Variants in DNAH9 observed in about 807,000 individuals in gnomAD.
The protein encoded by DNAH9 is DNAH9 variant protein.
A neutral mutation model predicts 471.6 loss-of-function variants in DNAH9; 345 were observed. That is an observed-to-expected ratio of 0.73 (90% CI 0.67 to 0.80). The LOEUF is 0.80. DNAH9 is among the 30% of genes least tolerant of loss of function. DNAH9 has a pLI of 0.00. For synonymous variants in DNAH9, 2,093 were observed against 2,123.6 expected (o/e 0.99, Z 0.40); for missense variants, 5,407 against 5,609.2 (o/e 0.96, Z 1.15).
At chr17:11,886,673 A>G in intron 56 of DNAH9, 152 bp from the exon 57 acceptor site, 1 of 932,958 alleles carries the variant, frequency 1.1e-6, no homozygotes. Context: ...AAGGAATACC[A>G]TAGTAGCTTT....
intron 48 of DNAH9, among the ~76,000 whole-genome samples, chr17:11,826,724 A>T (rs890675508): frequency 6.6e-6 from 1 of 151,174 alleles, no homozygotes; most frequent in Non-Finnish European, 1.5e-5. Flanking sequence ...GGCGTCCCAA[A>T]GTGCTGGGAT....
intron 54 of DNAH9, 103 bp from the exon 55 acceptor site, chr17:11,881,106 C>T (rs1327902724): frequency 9.7e-7 from 1 of 1,029,746 alleles, no homozygotes; most frequent in African/African-American, 1.6e-5. Flanking sequence ...TAGGAGGAAT[C>T]CATCTGAATA....
chr17:11,942,368 G>A lies in DNAH9; in HGVS notation c.12726G>A (p.Met4242Ile). The A allele has an allele frequency of 6.2e-7, 1 of 1,614,212 alleles. No individual in the cohort carries two copies. Among genetic ancestry groups the A allele is most frequent in the South Asian group, 1.1e-5 (1 of 91,084 alleles). ...ACGAGTTTAACATCCCAGAACTGAT[G>A]GCCAAAGTGGAGGAGCGCACCCCTT... ...VTDEFNIPEL[M>I]AKVEERTPYI... is the part of the protein sequence containing the mutation. The change falls in exon 67 of 69, where the codon ATG (methionine) becomes ATA (isoleucine). Residue 4242 changes from methionine (M) to isoleucine (I), a missense_variant. Met to Ile is a conservative substitution (Grantham distance 10). Around this residue, in one of 3 missense-constraint regions of DNAH9, gnomAD observed 4,636 missense variants for 4,900.3 expected, o/e 0.95. Transcript: ENST00000262442.
intron 18 of DNAH9, 79 bp from the exon 19 acceptor site, chr17:11,680,644 C>A: frequency 1.6e-6 from 2 of 1,255,580 alleles, no homozygotes; most frequent in East Asian, 4.7e-5. Context: ...ATGGAAGCAT[C>A]TGGGCTCTGT....
At chr17:11,823,072 TGGAG>T in intron 48 of DNAH9, 38 bp downstream of exon 48, 1 of 1,552,474 alleles carries the variant, frequency 6.4e-7, no homozygotes, top group Non-Finnish European at 8.8e-7. Context: ...GCAGGGGACT[TGGAG>T]GGAGCTGAAG....
At chr17:11,905,024 G>T (rs763526020) in intron 60 of DNAH9, among the ~76,000 whole-genome samples, 2 of 151,912 alleles carry the variant, frequency 1.3e-5, no homozygotes, top group Non-Finnish European at 2.9e-5. Context: ...ACAAGGTCAG[G>T]AGATCGAGAC....
chr17:11,785,830 T>C (rs1032705854), intron 41 of DNAH9, among the ~76,000 whole-genome samples: 1 of 152,212 alleles, frequency 6.6e-6, no homozygotes, highest in Non-Finnish European at 1.5e-5. Flanking sequence ...CACACCTTTC[T>C]GTCCTCATCT....
At chr17:11,954,819 A>G (rs1237034166) in intron 67 of DNAH9, among the ~76,000 whole-genome samples, 1 of 151,920 alleles carries the variant, frequency 6.6e-6, no homozygotes, top group Non-Finnish European at 1.5e-5. Flanking sequence ...AGAAAGAAAG[A>G]AAATGATATA....
At position 11,937,112 on chromosome 17, in the gene DNAH9, G is replaced by GA. The variant is rs1321343333; in HGVS notation, c.12490-234dup. Reference sequence around the variant, plus strand: ...TAGATAAAGTCATCTAAGCCTCCCAGAAAAAAGAGAATGATAGAATGAATG... The same window carrying GA: ...TAGATAAAGTCATCTAAGCCTCCCAGAAAAAAAGAGAATGATAGAATGAATG... On this transcript the variant is annotated intron_variant, in intron 65 of 68. Coordinates refer to ENST00000262442, the MANE Select transcript of DNAH9 (RefSeq NM_001372.4). This position sits in a 1 kb window ranked among gnomAD's most constrained non-coding sequence, Gnocchi z 4.1. Among the ~76,000 whole-genome samples the GA allele has an allele frequency of 6.6e-6, 1 of 152,038 alleles. No individual in the cohort carries two copies. The highest frequency in any genetic ancestry group is 2.4e-5 in the African/African-American group (1 of 41,382).
At chr17:11,921,126 C>T (rs548216059) in intron 61 of DNAH9, among the ~76,000 whole-genome samples, 16 of 151,022 alleles carry the variant, frequency 1.1e-4, no homozygotes, top group African/African-American at 3.9e-4. Flanking sequence ...GGGTGTAATC[C>T]CAGCTACTCG....
At position 11,932,001 on chromosome 17, in the gene DNAH9, ACT is replaced by A. The variant is rs1198163988; in HGVS notation, c.12106-9_12106-8del. Reference sequence around the variant, plus strand: ...GTTGTGTGCGAACCTTAAAAGCGACACTCTCATTTCAGGACACTCTGGAGATG... The same window carrying A: ...GTTGTGTGCGAACCTTAAAAGCGACACTCATTTCAGGACACTCTGGAGATG... On this transcript the variant is annotated splice_polypyrimidine_tract_variant and intron_variant, in intron 63 of 68. Coordinates refer to ENST00000262442, the MANE Select transcript of DNAH9 (RefSeq NM_001372.4). This position sits in a 1 kb window ranked among gnomAD's most constrained non-coding sequence, Gnocchi z 4.3. 1.2e-6 allele frequency: 2 copies of A among 1,613,028 alleles called. No homozygotes were observed. The highest frequency in any genetic ancestry group is 1.7e-6 in the Non-Finnish European group (2 of 1,179,348).
chr17:11,655,367 T>C (rs1355109571), intron 14 of DNAH9, among the ~76,000 whole-genome samples: 2 of 151,094 alleles, frequency 1.3e-5, no homozygotes, highest in Non-Finnish European at 2.9e-5. Flanking sequence ...TGTGTGTGTG[T>C]GTGTGTGTGT....
At chr17:11,639,175 G>T (rs1287499442) in intron 9 of DNAH9, among the ~76,000 whole-genome samples, 2 of 152,164 alleles carry the variant, frequency 1.3e-5, no homozygotes, top group Non-Finnish European at 2.9e-5. Context: ...AAGGGGAGAG[G>T]ATTATGCAAG....
intron 48 of DNAH9, among the ~76,000 whole-genome samples, chr17:11,833,880 T>C (rs1970750228): frequency 6.6e-6 from 1 of 152,184 alleles, no homozygotes; most frequent in Non-Finnish European, 1.5e-5. Flanking sequence ...TTGTTAAATC[T>C]TTGGCACACT....
intron 45 of DNAH9, among the ~76,000 whole-genome samples, chr17:11,818,771 A>G (rs1970200438): frequency 6.6e-6 from 1 of 152,006 alleles, no homozygotes; most frequent in African/African-American, 2.4e-5. Flanking sequence ...TTTTAGCTAT[A>G]GTGTTTCGTT....
Position 11,891,960 on chromosome 17 carries a change from T to A in DNAH9, c.11283+13T>A. The A allele has an allele frequency of 2.5e-6, 4 of 1,609,582 alleles. No individual in the cohort carries two copies. Among genetic ancestry groups the A allele is most frequent in the Non-Finnish European group, 3.4e-6 (4 of 1,177,012 alleles). ...GCTCACCTTTCAGGTAAAAGTGGATTGAAGAAGTTTCCAGAAAACAGGTTA... is the reference window on the plus strand; with the variant it reads ...GCTCACCTTTCAGGTAAAAGTGGATAGAAGAAGTTTCCAGAAAACAGGTTA... On this transcript the variant is annotated intron_variant, in intron 58 of 68. Coordinates refer to ENST00000262442, the MANE Select transcript of DNAH9 (RefSeq NM_001372.4).
intron 35 of DNAH9, among the ~76,000 whole-genome samples, chr17:11,760,539 A>G (rs1292665363): frequency 6.6e-6 from 1 of 150,532 alleles, no homozygotes; most frequent in Admixed American, 6.6e-5. Flanking sequence ...TTTTTTTTTG[A>G]GACGGAGTCT....
intron 32 of DNAH9, among the ~76,000 whole-genome samples, chr17:11,748,148 C>CAAA (rs71142241): frequency 1.5e-5 from 1 of 64,668 alleles, no homozygotes; most frequent in African/African-American, 6.3e-5. Flanking sequence ...ACTAAAAATA[C>CAAA]AAAAAAAAAA....
chr17:11,741,288 G>A (rs1383337618), intron 29 of DNAH9, among the ~76,000 whole-genome samples: 1 of 152,082 alleles, frequency 6.6e-6, no homozygotes, highest in Non-Finnish European at 1.5e-5. Flanking sequence ...GATGTTTTTA[G>A]TGCCAGAGGA....
Sources: allele counts gnomAD v4.1 joint callset (sites outside exome capture counted in the v4.1 genomes callset), GRCh38; gene constraint gnomAD v4.1.1; regional missense constraint gnomAD v4.1.1; non-coding constraint Gnocchi (gnomAD v3.1); transcripts MANE v1.5; gene names NCBI Gene and HGNC (gene_info 2026-07-23, HGNC 2026-07-21).